Variants in FXN observed in about 807,000 individuals in gnomAD.
FXN encodes the protein frataxin, also known as frataxin, mitochondrial.
A neutral mutation model predicts 22.4 loss-of-function variants in FXN; 14 were observed. That is an observed-to-expected ratio of 0.62 (90% CI 0.41 to 0.98). FXN has a LOEUF of 0.98. Among genes scored for constraint, FXN ranks in the 50% least tolerant of loss-of-function variants. The pLI, the probability that FXN is intolerant of heterozygous loss-of-function variation, is 0.00. For missense variants in FXN, 267 were observed against 268.4 expected (o/e 0.99, Z 0.04); for synonymous variants, 120 against 114.1 (o/e 1.05, Z -0.33).
rs1386371694 is a variant in FXN, at chr9:69,074,839, ATGTT to A, written c.*2079_*2082del. ...AAATTATTTTTTGAGTCTGATGGAA[ATGTT>A]TAAGTGCAGTAGGCCAGTGCCAGTG... is the stretch of plus-strand genomic sequence containing the variant. On this transcript the variant is annotated 3_prime_UTR_variant, in exon 5 of 5. Transcript: ENST00000484259. The A allele has an allele frequency of 1.0e-6, 1 of 980,594 alleles. No homozygotes were observed. The highest frequency in any genetic ancestry group is 6.1e-5 in the Admixed American group (1 of 16,266). The allele number at this position is 980,594 out of a possible 1,614,324, so 60.7% of individuals were successfully genotyped here. A position where few individuals can be genotyped will look rare whatever the true frequency, so the allele number is the denominator to read the frequency against.
chr9:69,041,906 C>T (rs1831664090), intron 1 of FXN, among the ~76,000 whole-genome samples: 1 of 152,186 alleles, frequency 6.6e-6, no homozygotes, highest in African/African-American at 2.4e-5. Context: ...CACGGGTGAC[C>T]TGGAGTTAGA....
intron 3 of FXN, among the ~76,000 whole-genome samples, chr9:69,060,970 A>C (rs1832061450): frequency 6.6e-6 from 1 of 152,202 alleles, no homozygotes; most frequent in Non-Finnish European, 1.5e-5. Context: ...AGGAAGCACC[A>C]CGAGGCAATG....
intron 1 of FXN, among the ~76,000 whole-genome samples, chr9:69,045,612 C>CAA (rs1239294302): frequency 2.0e-5 from 3 of 148,152 alleles, no homozygotes; most frequent in African/African-American, 5.0e-5. Flanking sequence ...AAACAAAAAC[C>CAA]AAAAAAAAAA....
chr9:69,050,386 A>G (rs985361179), intron 2 of FXN, among the ~76,000 whole-genome samples: 1 of 152,206 alleles, frequency 6.6e-6, no homozygotes, highest in Non-Finnish European at 1.5e-5. Flanking sequence ...CTGGGTACAC[A>G]TTTCTGTTGT....
In FXN at chr9:69,035,791, T is replaced by A. The variant is rs772115386; in HGVS notation, c.9T>A (p.Thr3=). The A allele has an allele frequency of 6.6e-7, 1 of 1,509,912 alleles. No homozygotes were observed. The highest frequency in any genetic ancestry group is 1.2e-5 in the South Asian group (1 of 81,162). 93.5% of individuals were successfully genotyped at this position (1,509,912 alleles called of 1,614,324 possible). A position where few individuals can be genotyped will look rare whatever the true frequency, so the allele number is the denominator to read the frequency against. Residue 3 remains threonine (T), a synonymous_variant, in exon 1 of 5, where the codon ACT becomes ACA. Transcript: ENST00000484259. MW[T]LGRRAVAGLL... is the part of the protein sequence containing the mutation. ...GGCAGACCCGGAGCAGCATGTGGACTCTCGGGCGCCGCGCAGTAGCCGGCC... is the reference window on the plus strand; with the variant it reads ...GGCAGACCCGGAGCAGCATGTGGACACTCGGGCGCCGCGCAGTAGCCGGCC...
intron 3 of FXN, among the ~76,000 whole-genome samples, chr9:69,056,226 A>G (rs1831955570): frequency 6.6e-6 from 1 of 152,208 alleles, no homozygotes; most frequent in African/African-American, 2.4e-5. Context: ...AGAGGGTCCC[A>G]CTACCTGTAG....
In FXN at chr9:69,075,372, A is replaced by G; in HGVS notation, c.*2610A>G. The G allele has an allele frequency of 1.5e-6, 1 of 660,502 alleles. No homozygotes were observed. Among genetic ancestry groups the G allele is most frequent in the Non-Finnish European group, 1.9e-6 (1 of 534,116 alleles). The allele number at this position is 660,502 out of a possible 1,614,324, so 40.9% of individuals were successfully genotyped here. On this transcript the variant is annotated 3_prime_UTR_variant, in exon 5 of 5. Transcript: ENST00000484259. ...CTACTCAGGAGGCTGAGGCAGGAGA[A>G]TCGCTGTAACCTGGGGGGTGGAGGT...
chr9:69,053,753 C>T (rs188000318), intron 3 of FXN, among the ~76,000 whole-genome samples: 1 of 152,242 alleles, frequency 6.6e-6, no homozygotes, highest in East Asian at 1.9e-4. Context: ...CGTAGTTCTT[C>T]AGTAGGGATA....
intron 3 of FXN, among the ~76,000 whole-genome samples, chr9:69,055,407 A>C (rs1173976822): frequency 6.6e-6 from 1 of 152,190 alleles, no homozygotes; most frequent in Non-Finnish European, 1.5e-5. Flanking sequence ...GTGAAGCCCC[A>C]GTTTGACCAG....
chr9:69,067,792 G>C (rs1054593998), intron 4 of FXN, among the ~76,000 whole-genome samples: 9 of 152,174 alleles, frequency 5.9e-5, no homozygotes. Context: ...CCACTCCTCA[G>C]CTTCTGCTTC....
At chr9:69,037,634 C>T (rs1214423270) in intron 1 of FXN, among the ~76,000 whole-genome samples, 1 of 152,204 alleles carries the variant, frequency 6.6e-6, no homozygotes. Context: ...GCTTCCACCC[C>T]TGCCTGTGTG....
intron 3 of FXN, among the ~76,000 whole-genome samples, chr9:69,054,437 G>A (rs1415360903): frequency 6.6e-6 from 1 of 151,808 alleles, no homozygotes; most frequent in Non-Finnish European, 1.5e-5. Flanking sequence ...TATTGCTTAG[G>A]CCTTAAAGTA....
chr9:69,053,227 A>G lies in FXN; in HGVS notation c.351A>G (p.Pro117=). Reference sequence around the variant, plus strand: ...TTTTTGAAGACCTTGCAGACAAGCCATACACGTTTGAGGACTATGATGTCT... The same window carrying G: ...TTTTTGAAGACCTTGCAGACAAGCCGTACACGTTTGAGGACTATGATGTCT... ...AEFFEDLADK[P]YTFEDYDVSF... The change falls in exon 3 of 5, where the codon CCA becomes CCG. Residue 117 remains proline (P), a synonymous_variant. Coordinates refer to ENST00000484259, the MANE Select transcript of FXN (RefSeq NM_000144.5). 8.7e-6 allele frequency: 14 copies of G among 1,613,924 alleles called. No individual in the cohort carries two copies. The highest frequency in any genetic ancestry group is 1.2e-5 in the Non-Finnish European group (14 of 1,179,912).
chr9:69,074,750 A>T lies in FXN; in HGVS notation c.*1988A>T. The T allele has an allele frequency of 1.1e-6, 1 of 897,272 alleles. No homozygotes were observed. Among genetic ancestry groups the T allele is most frequent in the East Asian group, 1.2e-4 (1 of 8,378 alleles). 55.6% of individuals were successfully genotyped at this position (897,272 alleles called of 1,614,324 possible). A position where few individuals can be genotyped will look rare whatever the true frequency, so the allele number is the denominator to read the frequency against. ...TCCTATCTCTTAAAAAAAGAAAAAA[A>T]AACCTATTAATAATAAAACAGTATA... On this transcript the variant is annotated 3_prime_UTR_variant, in exon 5 of 5. Coordinates refer to ENST00000484259, the MANE Select transcript of FXN (RefSeq NM_000144.5).
chr9:69,069,931 A>G (rs970908614), intron 4 of FXN, among the ~76,000 whole-genome samples: 4 of 152,208 alleles, frequency 2.6e-5, no homozygotes, highest in Admixed American at 2.0e-4. Context: ...AATTTGCTGT[A>G]AGAAAATGGC....
intron 1 of FXN, among the ~76,000 whole-genome samples, chr9:69,043,943 A>G (rs1262653250): frequency 1.3e-5 from 2 of 151,934 alleles, no homozygotes; most frequent in Non-Finnish European, 2.9e-5. Context: ...GGTTGGTCTC[A>G]AACTCTTGAG....
Position 69,078,953 on chromosome 9 carries a change from A to G in FXN, c.*6191A>G, listed in dbSNP as rs1248541871. The G allele has an allele frequency of 5.3e-6, 5 of 945,662 alleles. No homozygotes were observed. The highest frequency in any genetic ancestry group is 6.3e-6 in the Non-Finnish European group (5 of 794,078). 58.6% of individuals were successfully genotyped at this position (945,662 alleles called of 1,614,324 possible). A position where few individuals can be genotyped will look rare whatever the true frequency, so the allele number is the denominator to read the frequency against. On this transcript the variant is annotated 3_prime_UTR_variant, in exon 5 of 5. Transcript: ENST00000484259. The stretch of plus-strand genomic sequence containing the variant: ...CTAGGACTATGTGTCTCCTTTGTTG[A>G]CTGCTGTTGCCCTAGCATCTTGCAC...
rs759812181 is a variant in FXN, at chr9:69,077,615, C to T, written c.*4853C>T. On this transcript the variant is annotated 3_prime_UTR_variant, in exon 5 of 5. Coordinates refer to ENST00000484259, the MANE Select transcript of FXN (RefSeq NM_000144.5). Reference sequence around the variant, plus strand: ...CTGTGATCTGTGGGAACATTGTTAACGCCACATCTTGACCTCAAATTGTTT... The same window carrying T: ...CTGTGATCTGTGGGAACATTGTTAATGCCACATCTTGACCTCAAATTGTTT... 104 of 985,326 alleles carry T rather than the reference C, an allele frequency of 1.1e-4. No homozygotes were observed. Among genetic ancestry groups the T allele is most frequent in the South Asian group, 1.9e-4 (4 of 21,292 alleles). The allele number at this position is 985,326 out of a possible 1,614,324, so 61.0% of individuals were successfully genotyped here.
chr9:69,070,452 C>G (rs2133135067), intron 4 of FXN, among the ~76,000 whole-genome samples: 1 of 152,298 alleles, frequency 6.6e-6, no homozygotes, highest in South Asian at 2.1e-4. Context: ...GCCACCAGGG[C>G]CACCAGGAGG....
Sources: gnomAD v4.1 joint callset for allele counts (sites outside exome capture counted in the v4.1 genomes callset) on GRCh38, gnomAD v4.1.1 for gene constraint, MANE v1.5 for transcripts, NCBI Gene and HGNC (gene_info 2026-07-23, HGNC 2026-07-21) for gene names.